CNTNAP2: variants seen among roughly 807,000 people sequenced by gnomAD.
CNTNAP2 encodes contactin-associated protein-like 2.
In CNTNAP2, 98 loss-of-function variants were observed where a neutral mutation model predicts 155.2. That is an observed-to-expected ratio of 0.63 (90% CI 0.54 to 0.75). The LOEUF (loss-of-function observed/expected upper bound fraction) is 0.75, where lower values mean the gene tolerates loss of function less well. Among genes scored for constraint, CNTNAP2 ranks in the 30% least tolerant of loss-of-function variants. The pLI, the probability that CNTNAP2 is intolerant of heterozygous loss-of-function variation, is 0.00. For missense variants in CNTNAP2, 1,727 were observed against 1,688.1 expected (o/e 1.02, Z -0.40); for synonymous variants, 651 against 631.2 (o/e 1.03, Z -0.47).
intron 2 of CNTNAP2, among the ~76,000 whole-genome samples, chr7:146,810,183 G>C (rs1374708596): frequency 6.6e-6 from 1 of 151,954 alleles, no homozygotes; most frequent in Non-Finnish European, 1.5e-5. Flanking sequence ...GTTTTTCTGT[G>C]CTCTGTATTT....
intron 3 of CNTNAP2, among the ~76,000 whole-genome samples, chr7:146,999,849 G>A (rs1011815661): frequency 3.3e-5 from 5 of 151,886 alleles, no homozygotes; most frequent in African/African-American, 4.8e-5. Flanking sequence ...TATAACTTGA[G>A]GGTAATCTTT....
At chr7:148,006,645 A>C (rs1053602230) in intron 15 of CNTNAP2, among the ~76,000 whole-genome samples, 1 of 128,326 alleles carries the variant, frequency 7.8e-6, no homozygotes, top group African/African-American at 2.7e-5. Context: ...TATCCCAGAC[A>C]AAAAAAAAAA....
chr7:146,629,765 T>C (rs1176023923), intron 1 of CNTNAP2, among the ~76,000 whole-genome samples: 3 of 152,132 alleles, frequency 2.0e-5, no homozygotes, highest in African/African-American at 7.2e-5. Context: ...ACACTGTGCA[T>C]GAGTAATAAC....
At chr7:146,178,673 G>A (rs369173033) in intron 1 of CNTNAP2, among the ~76,000 whole-genome samples, 7 of 152,158 alleles carry the variant, frequency 4.6e-5, no homozygotes, top group Non-Finnish European at 1.0e-4. Flanking sequence ...GGTGTCAGAC[G>A]TTTAGATGAA....
chr7:147,169,574 C>T lies in CNTNAP2; in HGVS notation c.1348+37065C>T, dbSNP rs566402581. 5.3e-5 allele frequency among the ~76,000 whole-genome samples: 8 copies of T among 151,588 alleles called. No homozygotes were observed. The South Asian group carries it at 1.7e-3, about 32-fold the overall frequency. On this transcript the variant is annotated intron_variant, in intron 8 of 23. Transcript: ENST00000361727. ...GTGTTAATTTTCTTAGGATAATGGC[C>T]TCCAGCTCCATCCATATTTCTGTAA...
chr7:146,437,051 G>T (rs999458438), intron 1 of CNTNAP2, among the ~76,000 whole-genome samples: 1 of 151,482 alleles, frequency 6.6e-6, no homozygotes, highest in Non-Finnish European at 1.5e-5. Flanking sequence ...GAGGTGAGCG[G>T]TGGCAAGTGA....
At chr7:147,628,468 A>G (rs543792549) in intron 12 of CNTNAP2, among the ~76,000 whole-genome samples, 4 of 152,196 alleles carry the variant, frequency 2.6e-5, no homozygotes, top group Non-Finnish European at 5.9e-5. Flanking sequence ...GCGCTATAAG[A>G]AATGCTAAAA....
chr7:147,774,517 C>T (rs1197733548), intron 13 of CNTNAP2, among the ~76,000 whole-genome samples: 1 of 152,112 alleles, frequency 6.6e-6, no homozygotes, highest in East Asian at 1.9e-4. Context: ...TAAAGCCTAG[C>T]TCTGTATTTG....
intron 11 of CNTNAP2, among the ~76,000 whole-genome samples, chr7:147,525,044 A>T (rs141161350): frequency 1.0e-3 from 156 of 152,360 alleles, no homozygotes; most frequent in African/African-American, 3.7e-3. Context: ...TTCTGACAGC[A>T]GGGAAAGTCG....
At chr7:148,029,576 C>T (rs964460983) in intron 15 of CNTNAP2, among the ~76,000 whole-genome samples, 4 of 152,106 alleles carry the variant, frequency 2.6e-5, no homozygotes, top group East Asian at 1.9e-4. Flanking sequence ...TCTGAAAACA[C>T]GTTGGGTAAA....
intron 3 of CNTNAP2, among the ~76,000 whole-genome samples, chr7:146,958,878 A>G (rs909417944): frequency 6.6e-6 from 1 of 152,172 alleles, no homozygotes; most frequent in Non-Finnish European, 1.5e-5. Flanking sequence ...TTAAGCTTAA[A>G]TTTAGAAATC....
rs1585026147 is a variant in CNTNAP2 at position 147,915,139 on chromosome 7, A to C, written c.2255+11418A>C. Reference sequence around the variant, plus strand: ...AAAACAATACTAAATTCTTATTTTAAGAAAAATCAGATCAAAGACTAATTT... The same window carrying C: ...AAAACAATACTAAATTCTTATTTTACGAAAAATCAGATCAAAGACTAATTT... On this transcript the variant is annotated intron_variant, in intron 14 of 23. Coordinates refer to ENST00000361727, the MANE Select transcript of CNTNAP2 (RefSeq NM_014141.6). 2.6e-5 allele frequency among the ~76,000 whole-genome samples: 4 copies of C among 152,338 alleles called. No individual in the cohort carries two copies. The East Asian group carries it at 7.7e-4, about 29-fold the overall frequency.
intron 3 of CNTNAP2, among the ~76,000 whole-genome samples, chr7:146,986,808 G>A (rs145894091): frequency 3.6e-4 from 55 of 151,918 alleles, no homozygotes; most frequent in Admixed American, 3.3e-4. Context: ...CCATTTATAC[G>A]CCTTTGAGAA....
rs1026913269 is a variant in CNTNAP2, at chr7:146,607,734, G to A, written c.98-166537G>A. ...CTCAAGCGATCCTCCTGCCTCTGCCGCCCAAAGTGCTGTGATTACAAACAT... is the reference window on the plus strand; with the variant it reads ...CTCAAGCGATCCTCCTGCCTCTGCCACCCAAAGTGCTGTGATTACAAACAT... On this transcript the variant is annotated intron_variant, in intron 1 of 23. Coordinates refer to ENST00000361727, the MANE Select transcript of CNTNAP2 (RefSeq NM_014141.6). 5.3e-5 allele frequency among the ~76,000 whole-genome samples: 8 copies of A among 152,090 alleles called. No individual in the cohort carries two copies. In the East Asian group the frequency reaches 5.8e-4, roughly 11 times the overall value.
At chr7:147,900,307 G>T (rs1158058307) in intron 13 of CNTNAP2, among the ~76,000 whole-genome samples, 10 of 152,154 alleles carry the variant, frequency 6.6e-5, no homozygotes, top group African/African-American at 2.4e-4. Context: ...GGAGGTGACT[G>T]GATCATGAGG....
At chr7:146,682,486 T>C (rs1184240959) in intron 1 of CNTNAP2, among the ~76,000 whole-genome samples, 1 of 152,196 alleles carries the variant, frequency 6.6e-6, no homozygotes, top group Non-Finnish European at 1.5e-5. Flanking sequence ...AGTTCACAGA[T>C]TTAATATCTA....
chr7:146,350,089 G>T (rs1158111788), intron 1 of CNTNAP2, among the ~76,000 whole-genome samples: 1 of 152,060 alleles, frequency 6.6e-6, no homozygotes, highest in Admixed American at 6.5e-5. Context: ...CATTCTCCGT[G>T]TCACTTTCAG....
intron 1 of CNTNAP2, among the ~76,000 whole-genome samples, chr7:146,469,486 A>T (rs1482652486): frequency 6.6e-6 from 1 of 150,620 alleles, no homozygotes; most frequent in African/African-American, 2.4e-5. Flanking sequence ...GTTTCCACAA[A>T]CTTCAGAGGT....
At position 147,208,043 on chromosome 7, in the gene CNTNAP2, C is replaced by G. The variant is rs553730852; in HGVS notation, c.1348+75534C>G. On this transcript the variant is annotated intron_variant, in intron 8 of 23. Coordinates refer to ENST00000361727, the MANE Select transcript of CNTNAP2 (RefSeq NM_014141.6). ...TGTTGGATGAACACGCCTTGACAAA[C>G]AGTCAATACTTTAAAACAAAACAAG... Among the ~76,000 whole-genome samples, 43 of 151,990 alleles carry G rather than the reference C, an allele frequency of 2.8e-4. No individual in the cohort carries two copies. In the South Asian group the frequency reaches 8.5e-3, roughly 30 times the overall value.
Sources: allele counts gnomAD v4.1 joint callset (sites outside exome capture counted in the v4.1 genomes callset), GRCh38; gene constraint gnomAD v4.1.1; transcripts MANE v1.5; gene names NCBI Gene and HGNC (gene_info 2026-07-23, HGNC 2026-07-21).